Variants in CDKAL1 observed in about 807,000 individuals in gnomAD.
CDKAL1 encodes the protein CDKAL1 threonylcarbamoyladenosine tRNA methylthiotransferase.
CDKAL1 carries 32 observed loss-of-function variants against 68.2 expected under a neutral mutation model. The ratio of observed to expected loss-of-function variants is 0.47; its 90% CI spans 0.35 to 0.63. The LOEUF is 0.63. CDKAL1 is among the 30% of genes least tolerant of loss of function. CDKAL1 has a pLI of 0.00. For synonymous variants in CDKAL1, 234 were observed against 244.3 expected (o/e 0.96, Z 0.39); for missense variants, 606 against 696.7 (o/e 0.87, Z 1.47).
At chr6:21,043,356 T>TGTGC (rs1222105630) in intron 11 of CDKAL1, among the ~76,000 whole-genome samples, 2 of 152,030 alleles carry the variant, frequency 1.3e-5, no homozygotes, top group African/African-American at 4.8e-5. Context: ...TTTGTGTGTG[T>TGTGC]GTGTGTGTGT....
rs889935107 is a variant in CDKAL1, at chr6:20,878,938, G to T, written c.742+32760G>T. ...TACTAAAAATACAAAAATTAGTCAGGCATGGTGGCGGGCGCCTGTAATCCC... is the reference window on the plus strand; with the variant it reads ...TACTAAAAATACAAAAATTAGTCAGTCATGGTGGCGGGCGCCTGTAATCCC... On this transcript the variant is annotated intron_variant, in intron 9 of 15. Transcript: ENST00000274695. 3.3e-5 allele frequency among the ~76,000 whole-genome samples: 5 copies of T among 151,616 alleles called. No individual in the cohort carries two copies. In the East Asian group the frequency reaches 7.8e-4, roughly 24 times the overall value.
At position 20,854,057 on chromosome 6, in the gene CDKAL1, C is replaced by T. The variant is rs569121719; in HGVS notation, c.742+7879C>T. Among the ~76,000 whole-genome samples, 39 of 152,306 alleles carry T rather than the reference C, an allele frequency of 2.6e-4. No individual in the cohort carries two copies. The South Asian group carries it at 8.1e-3, about 32-fold the overall frequency. On this transcript the variant is annotated intron_variant, in intron 9 of 15. Coordinates refer to ENST00000274695, the MANE Select transcript of CDKAL1 (RefSeq NM_017774.3). ...ATGGCTGACATTTATGGAGTACTTA[C>T]AGTGCATAGATAGGAATTACGATGA...
At chr6:21,104,005 T>C (rs1029130916) in intron 12 of CDKAL1, among the ~76,000 whole-genome samples, 5 of 152,196 alleles carry the variant, frequency 3.3e-5, no homozygotes, top group Non-Finnish European at 4.4e-5. Context: ...ATTGCCTACA[T>C]AGGAGAAACT....
chr6:20,791,674 T>G (rs1775904398), intron 8 of CDKAL1, among the ~76,000 whole-genome samples: 1 of 152,214 alleles, frequency 6.6e-6, no homozygotes. Flanking sequence ...GAATTTCTGC[T>G]GTGTATCTAT....
At chr6:20,661,273 TGTTTA>T (rs1769271833) in intron 5 of CDKAL1, among the ~76,000 whole-genome samples, 1 of 152,202 alleles carries the variant, frequency 6.6e-6, no homozygotes, top group Non-Finnish European at 1.5e-5. Context: ...GTCACAGTTT[TGTTTA>T]GTCTATTTTC....
chr6:21,219,779 C>G (rs1018923266), intron 15 of CDKAL1, among the ~76,000 whole-genome samples: 2 of 152,106 alleles, frequency 1.3e-5, no homozygotes, highest in African/African-American at 4.8e-5. Context: ...AAATACAAAC[C>G]AAACATCTGC....
intron 4 of CDKAL1, among the ~76,000 whole-genome samples, chr6:20,611,959 G>C (rs911897018): frequency 6.6e-6 from 1 of 152,084 alleles, no homozygotes; most frequent in Non-Finnish European, 1.5e-5. Flanking sequence ...CTACCTCCAT[G>C]AGGTCAACAT....
At chr6:20,537,864 AT>A (rs1763236436) in intron 2 of CDKAL1, among the ~76,000 whole-genome samples, 1 of 137,072 alleles carries the variant, frequency 7.3e-6, no homozygotes, top group Admixed American at 7.8e-5. Flanking sequence ...TTAATTAAAA[AT>A]TTCTGAAGGC....
intron 9 of CDKAL1, among the ~76,000 whole-genome samples, chr6:20,911,293 A>G (rs1195007058): frequency 6.6e-6 from 1 of 152,228 alleles, no homozygotes; most frequent in Non-Finnish European, 1.5e-5. Flanking sequence ...AAGAATCAAG[A>G]CCAGGTCCTT....
At chr6:20,546,077 A>G (rs762900500) in intron 2 of CDKAL1, among the ~76,000 whole-genome samples, 2 of 152,160 alleles carry the variant, frequency 1.3e-5, no homozygotes, top group Non-Finnish European at 2.9e-5. Context: ...CCTACTTGAC[A>G]TTGATTTGTT....
intron 5 of CDKAL1, among the ~76,000 whole-genome samples, chr6:20,716,409 C>T (rs190304342): frequency 4.6e-5 from 7 of 152,184 alleles, no homozygotes; most frequent in African/African-American, 1.7e-4. Flanking sequence ...TTAAAATTAT[C>T]CTGCTGTTGG....
intron 5 of CDKAL1, among the ~76,000 whole-genome samples, chr6:20,700,231 T>C (rs914520070): frequency 6.6e-6 from 1 of 152,104 alleles, no homozygotes; most frequent in East Asian, 1.9e-4. Context: ...GGCACATGCC[T>C]GTAATCCCAG....
At chr6:20,750,372 A>G (rs757041880) in intron 6 of CDKAL1, among the ~76,000 whole-genome samples, 10 of 152,188 alleles carry the variant, frequency 6.6e-5, no homozygotes, top group Non-Finnish European at 1.5e-5. Context: ...GTCCCCAGTT[A>G]CTAGAACTTT....
rs1243536741 is a variant in CDKAL1 at position 20,709,814 on chromosome 6, C to T, written c.372-29705C>T. Among the ~76,000 whole-genome samples, 6 of 152,152 alleles carry T rather than the reference C, an allele frequency of 3.9e-5. No individual in the cohort carries two copies. In the East Asian group the frequency reaches 1.2e-3, roughly 29 times the overall value. On this transcript the variant is annotated intron_variant, in intron 5 of 15. Transcript: ENST00000274695. ...AGGACAAGGGCAGCAATTAGATCAA[C>T]ATTTTCCTTGTTGTATGTAATGGGA...
At position 20,795,238 on chromosome 6, in the gene CDKAL1, T is replaced by C. The variant is rs147456359; in HGVS notation, c.638+13973T>C. Among the ~76,000 whole-genome samples the C allele has an allele frequency of 2.8e-3, 420 of 152,282 alleles. 8 individuals are homozygous for C. In the South Asian group the frequency reaches 0.049, roughly 18 times the overall value. ...ATAGAAGCTCTCAATAAAAATGTTT[T>C]TACGACTCAGTTTCTAAATGCTAAT... On this transcript the variant is annotated intron_variant, in intron 8 of 15. Coordinates refer to ENST00000274695, the MANE Select transcript of CDKAL1 (RefSeq NM_017774.3).
intron 10 of CDKAL1, among the ~76,000 whole-genome samples, chr6:20,992,309 G>A (rs1396689780): frequency 6.6e-6 from 1 of 151,616 alleles, no homozygotes; most frequent in Non-Finnish European, 1.5e-5. Flanking sequence ...GACCTCAAGT[G>A]ATGTGCCTCA....
At chr6:21,099,318 G>GTGGACAATGTTAATAAAGGAATGA (rs2150981219) in intron 12 of CDKAL1, among the ~76,000 whole-genome samples, 1 of 152,210 alleles carries the variant, frequency 6.6e-6, no homozygotes, top group Non-Finnish European at 1.5e-5. Flanking sequence ...AAAAGCAACC[G>GTGGACAATGTTAATAAAGGAATGA]TGGACAATGT....
intron 5 of CDKAL1, among the ~76,000 whole-genome samples, chr6:20,701,501 A>ACC (rs1771358495): frequency 6.6e-6 from 1 of 152,072 alleles, no homozygotes. Flanking sequence ...TGAGTTAATG[A>ACC]CCCCTCGAGT....
rs777367152 is a variant in CDKAL1, at chr6:20,546,389, C to A, written c.39C>A (p.Ile13=). 5.6e-6 allele frequency: 9 copies of A among 1,613,560 alleles called. No individual in the cohort carries two copies. In the East Asian group the frequency reaches 8.9e-5, roughly 16 times the overall value. The change falls in exon 3 of 16, where the codon ATC becomes ATA. Residue 13 remains isoleucine, a synonymous_variant. Coordinates refer to ENST00000274695, the MANE Select transcript of CDKAL1 (RefSeq NM_017774.3). The part of the protein sequence containing the change: ...SASCDTLLDD[I]EDIVSQEDSK... ...CCTGTGATACACTACTGGATGACAT[C>A]GAAGATATCGTGTCTCAGGAAGATT...
Sources: allele counts gnomAD v4.1 joint callset (sites outside exome capture counted in the v4.1 genomes callset), GRCh38; gene constraint gnomAD v4.1.1; transcripts MANE v1.5; gene names NCBI Gene and HGNC (gene_info 2026-07-23, HGNC 2026-07-21).